The following WWOX variants were observed in gnomAD, a reference collection of about 807,000 sequenced individuals.
The protein encoded by WWOX is WW domain containing oxidoreductase.
Under a neutral mutation model 46.2 loss-of-function variants are expected in WWOX, and 69 were observed. That is an observed-to-expected ratio of 1.49 (90% CI 1.23 to 1.82). WWOX has a LOEUF of 1.82. WWOX is among the 40% of genes most tolerant of loss of function. The pLI, the probability that WWOX is intolerant of heterozygous loss-of-function variation, is 0.00. For missense variants in WWOX, 919 were observed against 542.6 expected (o/e 1.69, Z -6.89); for synonymous variants, 359 against 202.6 (o/e 1.77, Z -6.56).
intron 8 of WWOX, among the ~76,000 whole-genome samples, chr16:78,828,279 G>A (rs1387500721): frequency 6.6e-6 from 1 of 152,200 alleles, no homozygotes; most frequent in Admixed American, 6.5e-5. Flanking sequence ...AGAGAGAAGA[G>A]CCTTCGATGG....
chr16:78,633,169 G>A (rs192833476), intron 8 of WWOX, among the ~76,000 whole-genome samples: 1 of 152,232 alleles, frequency 6.6e-6, no homozygotes, highest in Non-Finnish European at 1.5e-5. Flanking sequence ...GGCTGAGGCA[G>A]GAGAATCGCT....
rs564504542 is a variant in WWOX, at chr16:79,006,098, T to C, written c.1057-205510T>C. Among the ~76,000 whole-genome samples, 30 of 152,300 alleles carry C rather than the reference T, an allele frequency of 2.0e-4. No individual in the cohort carries two copies. The South Asian group carries it at 6.2e-3, about 32-fold the overall frequency. On this transcript the variant is annotated intron_variant, in intron 8 of 8. Coordinates refer to ENST00000566780, the MANE Select transcript of WWOX (RefSeq NM_016373.4). The stretch of plus-strand genomic sequence containing the variant: ...ATGGTCACTGCGCTAGGGAAGTCCC[T>C]GGTCCAGTGGGGTGAGGGTGGCAGT...
intron 8 of WWOX, among the ~76,000 whole-genome samples, chr16:78,624,343 C>T (rs959726393): frequency 6.6e-6 from 1 of 152,050 alleles, no homozygotes; most frequent in Admixed American, 6.6e-5. Context: ...CTAACCAAAC[C>T]CTAAATAATT....
chr16:79,208,361 T>C (rs1294298194), intron 8 of WWOX, among the ~76,000 whole-genome samples: 2 of 145,874 alleles, frequency 1.4e-5, no homozygotes, highest in African/African-American at 2.6e-5. Context: ...CCTACAGGCT[T>C]CTGATAAATG....
intron 8 of WWOX, among the ~76,000 whole-genome samples, chr16:78,587,085 G>A (rs2045225671): frequency 6.6e-6 from 1 of 151,958 alleles, no homozygotes; most frequent in African/African-American, 2.4e-5. Context: ...GAGTGCAGTG[G>A]CGTGATCACA....
At chr16:78,970,287 T>A (rs2046444732) in intron 8 of WWOX, among the ~76,000 whole-genome samples, 1 of 152,232 alleles carries the variant, frequency 6.6e-6, no homozygotes, top group African/African-American at 2.4e-5. Context: ...TCATTTTCTT[T>A]GATTCTCTGC....
At chr16:78,950,219 C>T (rs149834747) in intron 8 of WWOX, among the ~76,000 whole-genome samples, 1 of 152,162 alleles carries the variant, frequency 6.6e-6, no homozygotes, top group Non-Finnish European at 1.5e-5. Context: ...ATATTCCCTC[C>T]TAATCTTTCA....
intron 8 of WWOX, among the ~76,000 whole-genome samples, chr16:78,775,161 C>A (rs897596025): frequency 1.3e-5 from 2 of 152,270 alleles, no homozygotes; most frequent in South Asian, 2.1e-4. Flanking sequence ...TACCTCAATT[C>A]CTTTTGCCTG....
At chr16:78,146,952 T>C (rs2034219639) in intron 4 of WWOX, among the ~76,000 whole-genome samples, 1 of 152,192 alleles carries the variant, frequency 6.6e-6, no homozygotes, top group Non-Finnish European at 1.5e-5. Context: ...GCAAGAAAAC[T>C]CACAGAAGCA....
In WWOX at chr16:78,398,198, C is replaced by G. The variant is rs1008409525; in HGVS notation, c.605+11250C>G. ...CTGACACTGTCCTGTTTGGCAATGT[C>G]CTGCTATCTGACCTGCAAATAGCTA... On this transcript the variant is annotated intron_variant, in intron 6 of 8. Coordinates refer to ENST00000566780, the MANE Select transcript of WWOX (RefSeq NM_016373.4). 2.0e-5 allele frequency among the ~76,000 whole-genome samples: 3 copies of G among 152,304 alleles called. No individual in the cohort carries two copies. The South Asian group carries it at 6.2e-4, about 32-fold the overall frequency.
At chr16:78,908,437 G>A (rs1448413150) in intron 8 of WWOX, among the ~76,000 whole-genome samples, 1 of 151,940 alleles carries the variant, frequency 6.6e-6, no homozygotes, top group African/African-American at 2.4e-5. Context: ...CTAGTCGGGA[G>A]GCAGAGGCAG....
intron 8 of WWOX, among the ~76,000 whole-genome samples, chr16:78,536,025 T>C (rs895969162): frequency 9.8e-5 from 15 of 152,326 alleles, no homozygotes; most frequent in Non-Finnish European, 1.8e-4. Context: ...GTCTTGGCTG[T>C]GGGAGCCATA....
chr16:78,650,850 A>G (rs1289579778), intron 8 of WWOX, among the ~76,000 whole-genome samples: 1 of 152,230 alleles, frequency 6.6e-6, no homozygotes, highest in Non-Finnish European at 1.5e-5. Context: ...TGATGTAGAC[A>G]GAATATTTCG....
At chr16:79,160,118 G>A (rs1046942879) in intron 8 of WWOX, among the ~76,000 whole-genome samples, 1 of 152,158 alleles carries the variant, frequency 6.6e-6, no homozygotes, top group East Asian at 1.9e-4. Context: ...AAATTCACTC[G>A]GCAAGAAGCC....
Position 78,595,080 on chromosome 16 carries a change from C to T in WWOX, c.1056+162328C>T, listed in dbSNP as rs550554878. Reference sequence around the variant, plus strand: ...TTGGGGACCCCAGGGTGGAAGCTGCCATGCGCATGAGGCTGTGTTAGCAGA... The same window carrying T: ...TTGGGGACCCCAGGGTGGAAGCTGCTATGCGCATGAGGCTGTGTTAGCAGA... On this transcript the variant is annotated intron_variant, in intron 8 of 8. Transcript: ENST00000566780. Among the ~76,000 whole-genome samples the T allele has an allele frequency of 9.9e-5, 15 of 152,268 alleles. No homozygotes were observed. The East Asian group carries it at 2.9e-3, about 29-fold the overall frequency.
intron 5 of WWOX, among the ~76,000 whole-genome samples, chr16:78,258,707 C>CA (rs11396946): frequency 0.018 from 1,258 of 69,552 alleles, 43 homozygotes; most frequent in African/African-American, 0.05. Flanking sequence ...TTCCTCCCTC[C>CA]AAAAAAAAAA....
chr16:78,144,464 C>CATAT (rs2034108954), intron 4 of WWOX, among the ~76,000 whole-genome samples: 1 of 17,962 alleles, frequency 5.6e-5, no homozygotes. Flanking sequence ...TATATATATA[C>CATAT]ACACATATAT....
intron 8 of WWOX, among the ~76,000 whole-genome samples, chr16:78,915,013 C>CA (rs1371851275): frequency 2.0e-5 from 3 of 151,834 alleles, no homozygotes; most frequent in South Asian, 2.1e-4. Context: ...TGGTTCACAC[C>CA]AAAAACATAG....
chr16:78,875,423 C>A (rs912355224), intron 8 of WWOX, among the ~76,000 whole-genome samples: 24 of 152,146 alleles, frequency 1.6e-4, no homozygotes, highest in African/African-American at 5.8e-4. Context: ...TCTCGAGTGT[C>A]TGATCTGCCT....
Sources: gnomAD v4.1 joint callset for allele counts (sites outside exome capture counted in the v4.1 genomes callset) on GRCh38, gnomAD v4.1.1 for gene constraint, MANE v1.5 for transcripts, NCBI Gene and HGNC (gene_info 2026-07-23, HGNC 2026-07-21) for gene names.